Variants in SCNN1D observed in about 807,000 individuals in gnomAD.
SCNN1D encodes the protein epithelial sodium channel subunit delta.
Under a neutral mutation model 87.8 loss-of-function variants are expected in SCNN1D, and 104 were observed. That is an observed-to-expected ratio of 1.18 (90% CI 1.01 to 1.39). The LOEUF is 1.39. Among genes scored for constraint, SCNN1D ranks in the 40% most tolerant of loss-of-function variants. The pLI, the probability that SCNN1D is intolerant of heterozygous loss-of-function variation, is 0.00. For missense variants in SCNN1D, 1,324 were observed against 1,093.9 expected (o/e 1.21, Z -2.97); for synonymous variants, 628 against 481.2 (o/e 1.31, Z -3.99).
chr1:1,289,928 CCCCGTGTCTCTGCTCCGT>C (rs1640729545), intron 12 of SCNN1D, among the ~76,000 whole-genome samples: 1 of 28,478 alleles, frequency 3.5e-5, no homozygotes, highest in Non-Finnish European at 6.5e-5. Context: ...CTGCCCCGTC[CCCCGTGTCTCTGCTCCGT>C]CCCGTGTCTC....
Position 1,288,227 on chromosome 1 carries a change from CTCTGCTCCGT to C in SCNN1D, c.1662+191_1662+200del, listed in dbSNP as rs1640658551. 1.5e-5 allele frequency among the ~76,000 whole-genome samples: 2 copies of C among 135,938 alleles called. 1 individual carries two copies. Among genetic ancestry groups the C allele is most frequent in the East Asian group, 4.7e-4 (2 of 4,294 alleles). 89.2% of individuals were successfully genotyped at this position (135,938 alleles called of 152,430 possible). On this transcript the variant is annotated intron_variant, in intron 12 of 17. Coordinates refer to ENST00000379116, the MANE Select transcript of SCNN1D (RefSeq NM_001130413.4). Reference sequence around the variant, plus strand: ...CCTGTGTCTCTGCTCCGTCCCGTGTCTCTGCTCCGTCCCGTGTCTCTGCTCCGTCCCGTGT... The same window carrying C: ...CCTGTGTCTCTGCTCCGTCCCGTGTCCCCGTGTCTCTGCTCCGTCCCGTGT...
In SCNN1D at chr1:1,287,538, C is replaced by A. The variant is rs750146173; in HGVS notation, c.1341C>A (p.Tyr447Ter). The A allele has an allele frequency of 6.5e-7, 1 of 1,533,352 alleles. No individual in the cohort carries two copies. The highest frequency in any genetic ancestry group is 8.8e-7 in the Non-Finnish European group (1 of 1,137,914). The allele number at this position is 1,533,352 out of a possible 1,614,324, so 95.0% of individuals were successfully genotyped here. Residue 447 changes from tyrosine to a stop codon, truncating the protein, a stop_gained, in exon 10 of 18, where the codon TAC (tyrosine) becomes TAA (stop). Transcript: ENST00000379116. LOFTEE classifies it high-confidence loss of function. ...TCCGGACCTTCCACCACCCCACCTA[C>A]GGCAGCTGCTACACGGTCGATGGCG... ...RQFRTFHHPT[Y>*]GSCYTVDGVW...
At position 1,290,302 on chromosome 1, in the gene SCNN1D, T is replaced by G. The variant is rs1388363427; in HGVS notation, c.1694T>G (p.Met565Arg). 2 of 1,582,484 alleles carry G rather than the reference T, an allele frequency of 1.3e-6. No individual in the cohort carries two copies. The highest frequency in any genetic ancestry group is 1.7e-6 in the Non-Finnish European group (2 of 1,162,458). Reference sequence around the variant, plus strand: ...CTGGTGTCCTGCTTCCAGCAGCTGATGGTGGAGACCTGCTCCTGTGGCTAC... The same window carrying G: ...CTGGTGTCCTGCTTCCAGCAGCTGAGGGTGGAGACCTGCTCCTGTGGCTAC... ...ACLVSCFQQL[M>R]VETCSCGYYL... Residue 565 changes from methionine to arginine, a missense_variant, in exon 13 of 18, where the codon ATG becomes AGG. Physicochemically the swap from Met to Arg is moderately conservative, Grantham distance 91. Coordinates refer to ENST00000379116, the MANE Select transcript of SCNN1D (RefSeq NM_001130413.4).
chr1:1,288,170 C>G (rs554627320), intron 12 of SCNN1D, 133 bp downstream of exon 12: 4 of 654,024 alleles, frequency 6.1e-6, no homozygotes, highest in African/African-American at 3.7e-5. Flanking sequence ...CGTGGAGGCC[C>G]GCACTCCATC....
intron 1 of SCNN1D, chr1:1,280,955 G>A: frequency 1.7e-6 from 1 of 591,414 alleles, no homozygotes; most frequent in Non-Finnish European, 3.0e-6. Context: ...ACTGGACAGT[G>A]CAGTTGATGC....
In SCNN1D at chr1:1,287,977, C is replaced by T; in HGVS notation, c.1602C>T (p.Cys534=). ...VHRLGSPYGH[C]TAGGEGVEVE... ...GGCTCGGGAGCCCCTACGGCCACTG[C>T]ACCGCCGGCGGGGAAGGCGTGGAGG... The change falls in exon 12 of 18, where the codon TGC becomes TGT. Residue 534 remains cysteine (C), a synonymous_variant. Coordinates refer to ENST00000379116, the MANE Select transcript of SCNN1D (RefSeq NM_001130413.4). The T allele has an allele frequency of 1.9e-6, 3 of 1,546,952 alleles. No homozygotes were observed. Among genetic ancestry groups the T allele is most frequent in the Non-Finnish European group, 1.7e-6 (2 of 1,145,458 alleles).
intron 8 of SCNN1D, 60 bp from the exon 9 acceptor site, chr1:1,287,049 C>T (rs550928716): frequency 7.4e-5 from 116 of 1,576,844 alleles, no homozygotes; most frequent in South Asian, 2.3e-4. Flanking sequence ...GCTGGTACCT[C>T]GAGTGGGGAG....
chr1:1,288,394 T>C (rs1267318201), intron 12 of SCNN1D, among the ~76,000 whole-genome samples: 1 of 36,158 alleles, frequency 2.8e-5, no homozygotes. Flanking sequence ...CCCGTGTCCC[T>C]GCTCCGTCCC....
At chr1:1,285,446 C>T (rs1570604128) in intron 5 of SCNN1D, 125 bp from the exon 6 acceptor site, 2 of 647,214 alleles carry the variant, frequency 3.1e-6, no homozygotes, top group Non-Finnish European at 5.2e-6. Flanking sequence ...ACAGTCGGTC[C>T]TCAGCAGGCC....
Position 1,283,901 on chromosome 1 carries a change from G to A in SCNN1D, c.352-77G>A, listed in dbSNP as rs866197646. 100 of 734,114 alleles carry A rather than the reference G, an allele frequency of 1.4e-4. 1 individual carries two copies. The Middle Eastern group carries it at 0.011, about 80-fold the overall frequency. 45.5% of individuals were successfully genotyped at this position (734,114 alleles called of 1,614,324 possible). A position where few individuals can be genotyped will look rare whatever the true frequency, so the allele number is the denominator to read the frequency against. ...CCAGGAATTCCCCTTTTGGGTCCGG[G>A]GCAGGTGTGGCTGCCCTGGCTGGGT... On this transcript the variant is annotated intron_variant, in intron 4 of 17. Coordinates refer to ENST00000379116, the MANE Select transcript of SCNN1D (RefSeq NM_001130413.4).
At chr1:1,287,335 C>A in intron 9 of SCNN1D, 36 bp downstream of exon 9, 1 of 1,536,354 alleles carries the variant, frequency 6.5e-7, no homozygotes, top group South Asian at 1.2e-5. Flanking sequence ...CCTTCCGTCC[C>A]ACCCCACAGA....
chr1:1,290,114 G>A, intron 12 of SCNN1D, among the ~76,000 whole-genome samples, 157 bp from the exon 13 acceptor site: 1 of 138,518 alleles, frequency 7.2e-6, no homozygotes, highest in Non-Finnish European at 1.6e-5. Context: ...TCCGTCCCGT[G>A]TCTCTGCTCC....
chr1:1,290,108 TCCCG>T, intron 12 of SCNN1D, among the ~76,000 whole-genome samples, 159 bp from the exon 13 acceptor site: 3 of 112,010 alleles, frequency 2.7e-5, no homozygotes, highest in South Asian at 3.6e-4. Flanking sequence ...CTCTGCTCCG[TCCCG>T]TGTCTCTGCT....
chr1:1,286,126 G>A lies in SCNN1D; in HGVS notation c.759G>A (p.Gly253=), dbSNP rs1345353109. 2 of 1,610,716 alleles carry A rather than the reference G, an allele frequency of 1.2e-6. No individual in the cohort carries two copies. Among genetic ancestry groups the A allele is most frequent in the Non-Finnish European group, 8.5e-7 (1 of 1,179,528 alleles). ...ACCGCCTCAAGACGACGTCCTGGGGGCTGCTGTCCCTGGGAGCCCTGGTCG... is the reference window on the plus strand; with the variant it reads ...ACCGCCTCAAGACGACGTCCTGGGGACTGCTGTCCCTGGGAGCCCTGGTCG... ...RGNRLKTTSW[G]LLSLGALVAL... The change falls in exon 7 of 18, where the codon GGG becomes GGA. Residue 253 remains glycine, a synonymous_variant. Coordinates refer to ENST00000379116, the MANE Select transcript of SCNN1D (RefSeq NM_001130413.4).
Position 1,290,198 on chromosome 1 carries a change from C to T in SCNN1D, c.1663-73C>T, listed in dbSNP as rs1463921823. 67 of 1,054,890 alleles carry T rather than the reference C, an allele frequency of 6.4e-5. 7 individuals are homozygous for T. In the South Asian group the frequency reaches 8.4e-4, roughly 13 times the overall value. 65.3% of individuals were successfully genotyped at this position (1,054,890 alleles called of 1,614,324 possible). A position where few individuals can be genotyped will look rare whatever the true frequency, so the allele number is the denominator to read the frequency against. Reference sequence around the variant, plus strand: ...CCTGCTCCGTCCCGTGTCCCTGCTCCGTCCCGTGTCTCTGCCCCGTCCCCC... The same window carrying T: ...CCTGCTCCGTCCCGTGTCCCTGCTCTGTCCCGTGTCTCTGCCCCGTCCCCC... On this transcript the variant is annotated intron_variant, in intron 12 of 17. Coordinates refer to ENST00000379116, the MANE Select transcript of SCNN1D (RefSeq NM_001130413.4).
At position 1,288,201 on chromosome 1, in the gene SCNN1D, CCCTGTGTCTCTGCTCCGT is replaced by C. The variant is rs1163385146; in HGVS notation, c.1662+167_1662+184del. On this transcript the variant is annotated intron_variant, in intron 12 of 17. Coordinates refer to ENST00000379116, the MANE Select transcript of SCNN1D (RefSeq NM_001130413.4). Reference sequence around the variant, plus strand: ...CCATCCCCCGTGTCCCCGCTCCATTCCCTGTGTCTCTGCTCCGTCCCGTGTCTCTGCTCCGTCCCGTGT... The same window carrying C: ...CCATCCCCCGTGTCCCCGCTCCATTCCCCGTGTCTCTGCTCCGTCCCGTGT... 7.5e-4 allele frequency among the ~76,000 whole-genome samples: 113 copies of C among 149,718 alleles called. 1 individual carries two copies. Among genetic ancestry groups the C allele is most frequent in the Non-Finnish European group, 9.9e-4 (67 of 67,414 alleles).
Position 1,291,889 on chromosome 1 carries a change from CTG to C in SCNN1D, c.*283_*284del, listed in dbSNP as rs761105259. 22 of 352,776 alleles carry C rather than the reference CTG, an allele frequency of 6.2e-5. No individual in the cohort carries two copies. The highest frequency in any genetic ancestry group is 3.5e-4 in the Admixed American group (8 of 23,066). 21.9% of individuals were successfully genotyped at this position (352,776 alleles called of 1,614,324 possible). ...GGTGATGTACCCATGCTCCGTGTGT[CTG>C]TGTCTGCATGTCCACACGTCTGATG... On this transcript the variant is annotated 3_prime_UTR_variant, in exon 18 of 18. Coordinates refer to ENST00000379116, the MANE Select transcript of SCNN1D (RefSeq NM_001130413.4).
At chr1:1,290,190 C>G (rs1408430450) in intron 12 of SCNN1D, 81 bp from the exon 13 acceptor site, 4 of 894,570 alleles carry the variant, frequency 4.5e-6, no homozygotes, top group African/African-American at 2.0e-5. Context: ...CGTCCCGTGT[C>G]CCTGCTCCGT....
rs1276610444 is a variant in SCNN1D at position 1,285,651 on chromosome 1, G to A, written c.545G>A (p.Cys182Tyr). The A allele has an allele frequency of 1.2e-5, 18 of 1,544,938 alleles. No homozygotes were observed. The highest frequency in any genetic ancestry group is 1.7e-6 in the Non-Finnish European group (2 of 1,144,282). The stretch of plus-strand genomic sequence containing the variant: ...AGACCCACTCAGCACAACGCTGCCT[G>A]CAAACAGGGCCAGGTAGGGCCTGAG... ...QHRPTQHNAA[C>Y]KQGQAAAQTP... is the part of the protein sequence containing the mutation. Residue 182 changes from cysteine to tyrosine, a missense_variant, in exon 6 of 18, where the codon TGC becomes TAC. Cys to Tyr is a radical substitution (Grantham distance 194, BLOSUM62 -2). Transcript: ENST00000379116.
Sources: allele counts gnomAD v4.1 joint callset (sites outside exome capture counted in the v4.1 genomes callset), GRCh38; gene constraint gnomAD v4.1.1; transcripts MANE v1.5; gene names NCBI Gene and HGNC (gene_info 2026-07-23, HGNC 2026-07-21).